The following SOX6 variants were observed in gnomAD, a reference collection of about 807,000 sequenced individuals.
SOX6 encodes transcription factor SOX-6.
Under a neutral mutation model 97.8 loss-of-function variants are expected in SOX6, and 11 were observed. The ratio of observed to expected loss-of-function variants is 0.11; its 90% CI spans 0.07 to 0.19. The LOEUF (loss-of-function observed/expected upper bound fraction) is 0.19. SOX6 is among the 10% of genes least tolerant of loss of function. SOX6 has a pLI of 1.00. For missense variants in SOX6, 810 were observed against 1,039.5 expected (o/e 0.78, Z 3.04); for synonymous variants, 360 against 371.4 (o/e 0.97, Z 0.35).
chr11:16,080,345 A>G (rs1179086726), intron 9 of SOX6, among the ~76,000 whole-genome samples: 5 of 151,992 alleles, frequency 3.3e-5, no homozygotes, highest in Admixed American at 3.3e-4. Flanking sequence ...AGTATAGTAA[A>G]CCACTGTTAA....
chr11:16,583,129 A>C (rs1848046268), intron 4 of SOX6, among the ~76,000 whole-genome samples: 1 of 152,020 alleles, frequency 6.6e-6, no homozygotes. Flanking sequence ...TAATATATTC[A>C]ATATATAAAA....
chr11:16,577,399 C>T lies in SOX6; in HGVS notation n.609+34682G>A, dbSNP rs561431483. On this transcript the variant is annotated intron_variant and non_coding_transcript_variant, in intron 4 of 5. Coordinates refer to the SOX6 transcript ENST00000524520. ...TATCAAAGCCTTCTTTGTCCTATGTCCTATTTCAGAGAGAGTCGTATCTCA... is the reference window on the plus strand; with the variant it reads ...TATCAAAGCCTTCTTTGTCCTATGTTCTATTTCAGAGAGAGTCGTATCTCA... Among the ~76,000 whole-genome samples the T allele has an allele frequency of 3.9e-4, 60 of 152,248 alleles. No homozygotes were observed. In the Middle Eastern group the frequency reaches 0.01, roughly 26 times the overall value.
chr11:16,692,088 T>TGC (rs75817806), intron 3 of SOX6, among the ~76,000 whole-genome samples: 10 of 145,032 alleles, frequency 6.9e-5, no homozygotes, highest in South Asian at 4.3e-4. Flanking sequence ...TGTGTGTGTG[T>TGC]GCGCGCGCGC....
At chr11:16,219,156 T>G (rs1298790760) in intron 4 of SOX6, among the ~76,000 whole-genome samples, 2 of 152,028 alleles carry the variant, frequency 1.3e-5, no homozygotes, top group Admixed American at 6.6e-5. Context: ...TCAGTCCATT[T>G]CCAGGTATAA....
intron 2 of SOX6, among the ~76,000 whole-genome samples, chr11:16,717,920 A>T (rs1848230275): frequency 6.6e-6 from 1 of 151,058 alleles, no homozygotes; most frequent in African/African-American, 2.4e-5. Context: ...AAGCTATGGC[A>T]ACATCCATTA....
chr11:16,132,323 G>GAAAA (rs1849777267), intron 6 of SOX6, among the ~76,000 whole-genome samples: 1 of 82,852 alleles, frequency 1.2e-5, no homozygotes, highest in African/African-American at 4.6e-5. Flanking sequence ...AGGAAGGAAG[G>GAAAA]AAGGAAGGAA....
At chr11:16,510,467 A>C (rs1488968128) in intron 4 of SOX6, among the ~76,000 whole-genome samples, 11 of 152,032 alleles carry the variant, frequency 7.2e-5, no homozygotes, top group Non-Finnish European at 1.0e-4. Context: ...AAGCCTCTTA[A>C]GGGTTATTTT....
chr11:16,242,505 T>C (rs1028464746), intron 3 of SOX6, among the ~76,000 whole-genome samples: 1 of 151,894 alleles, frequency 6.6e-6, no homozygotes, highest in Admixed American at 6.6e-5. Flanking sequence ...TTGAAAGATA[T>C]ACAAAGACCT....
At chr11:16,215,320 G>A (rs1021680152) in intron 4 of SOX6, among the ~76,000 whole-genome samples, 1 of 152,126 alleles carries the variant, frequency 6.6e-6, no homozygotes, top group African/African-American at 2.4e-5. Context: ...GTAGTAAGGA[G>A]TCATTATAAG....
intron 4 of SOX6, among the ~76,000 whole-genome samples, chr11:16,559,482 T>C (rs114609161): frequency 0.014 from 2,142 of 151,210 alleles, 42 homozygotes; most frequent in East Asian, 0.059. Flanking sequence ...GACCTTTGAT[T>C]GGAACCACAA....
At chr11:16,683,047 A>G (rs1202559593) in intron 3 of SOX6, among the ~76,000 whole-genome samples, 1 of 152,240 alleles carries the variant, frequency 6.6e-6, no homozygotes, top group Non-Finnish European at 1.5e-5. Context: ...GGACCTCTTC[A>G]AGGAGAACTA....
At chr11:16,559,905 A>G (rs556640117) in intron 4 of SOX6, among the ~76,000 whole-genome samples, 1 of 152,266 alleles carries the variant, frequency 6.6e-6, no homozygotes, top group South Asian at 2.1e-4. Flanking sequence ...CAAATATTCA[A>G]ATGCATTTCT....
intron 3 of SOX6, among the ~76,000 whole-genome samples, chr11:16,687,503 C>G (rs1194860874): frequency 6.6e-6 from 1 of 152,182 alleles, no homozygotes; most frequent in Non-Finnish European, 1.5e-5. Context: ...TGGTCTCAAA[C>G]TCCTGACCTT....
chr11:16,353,802 C>A (rs1433894204), intron 1 of SOX6, among the ~76,000 whole-genome samples: 1 of 151,976 alleles, frequency 6.6e-6, no homozygotes, highest in East Asian at 1.9e-4. Context: ...TACAGAATTT[C>A]TGGTTTTCCC....
At chr11:16,233,604 A>C (rs1380276650) in intron 4 of SOX6, among the ~76,000 whole-genome samples, 1 of 152,188 alleles carries the variant, frequency 6.6e-6, no homozygotes, top group African/African-American at 2.4e-5. Context: ...TAAACTCATG[A>C]GTACTTTCTT....
chr11:16,067,356 T>C (rs1306530146), intron 9 of SOX6, among the ~76,000 whole-genome samples: 2 of 152,102 alleles, frequency 1.3e-5, no homozygotes, highest in Non-Finnish European at 1.5e-5. Context: ...AATTGAAACA[T>C]GGGGGCTGGG....
chr11:16,331,051 G>A (rs957755552), intron 2 of SOX6, among the ~76,000 whole-genome samples: 22 of 152,148 alleles, frequency 1.4e-4, no homozygotes, highest in African/African-American at 4.8e-4. Context: ...TTCTATGCCT[G>A]GAGAGTCTCA....
chr11:16,504,185 A>G (rs996935112), intron 4 of SOX6, among the ~76,000 whole-genome samples: 3 of 152,158 alleles, frequency 2.0e-5, no homozygotes, highest in Admixed American at 6.5e-5. Flanking sequence ...AACTAGAACA[A>G]GACAAGAATG....
chr11:16,730,704 G>T (rs902331767), intron 2 of SOX6, among the ~76,000 whole-genome samples: 1 of 151,916 alleles, frequency 6.6e-6, no homozygotes, highest in East Asian at 1.9e-4. Context: ...GCAAAAGCAA[G>T]CAAACTCAAA....
Sources: gnomAD v4.1 joint callset for allele counts (sites outside exome capture counted in the v4.1 genomes callset) on GRCh38, gnomAD v4.1.1 for gene constraint, MANE v1.5 for transcripts, NCBI Gene and HGNC (gene_info 2026-07-23, HGNC 2026-07-21) for gene names.